The following MOV10L1 variants were observed in gnomAD, a reference collection of about 807,000 sequenced individuals.
The protein encoded by MOV10L1 is Mov10 like RNA helicase 1.
Under a neutral mutation model 143.8 loss-of-function variants are expected in MOV10L1, and 110 were observed. That is an observed-to-expected ratio of 0.76 (90% CI 0.66 to 0.90). The LOEUF (loss-of-function observed/expected upper bound fraction) is 0.90. MOV10L1 is among the 40% of genes least tolerant of loss of function. The pLI is 0.00. For synonymous variants in MOV10L1, 593 were observed against 581.1 expected (o/e 1.02, Z -0.29); for missense variants, 1,406 against 1,526.8 (o/e 0.92, Z 1.32).
At chr22:50,127,761 G>C (rs2062551984) in intron 12 of MOV10L1, among the ~76,000 whole-genome samples, 1 of 150,882 alleles carries the variant, frequency 6.6e-6, no homozygotes, top group Admixed American at 6.7e-5. Context: ...GATAAGTCTT[G>C]TAATGACTGT....
At chr22:50,101,701 G>A (rs933399514) in intron 3 of MOV10L1, among the ~76,000 whole-genome samples, 4 of 151,992 alleles carry the variant, frequency 2.6e-5, no homozygotes, top group East Asian at 3.9e-4. Context: ...TAGTAGACAC[G>A]GGGTTTCGCC....
intron 10 of MOV10L1, 149 bp downstream of exon 10, chr22:50,120,765 C>A (rs2062316820): frequency 1.6e-6 from 1 of 632,632 alleles, no homozygotes; most frequent in Non-Finnish European, 2.8e-6. Context: ...ACTGCCTGGC[C>A]GTGAGGGATG....
intron 6 of MOV10L1, 99 bp downstream of exon 6, chr22:50,113,887 A>AT (rs1478092695): frequency 2.7e-6 from 2 of 743,332 alleles, no homozygotes; most frequent in African/African-American, 2.9e-5. Flanking sequence ...TTGGTCATTT[A>AT]TTTTTTTCTT....
intron 3 of MOV10L1, among the ~76,000 whole-genome samples, chr22:50,107,861 C>G (rs2061915256): frequency 6.6e-6 from 1 of 152,200 alleles, no homozygotes; most frequent in Non-Finnish European, 1.5e-5. Flanking sequence ...CTCAGATGTG[C>G]CACACGAGGA....
At chr22:50,153,449 G>A (rs1205802155) in intron 22 of MOV10L1, among the ~76,000 whole-genome samples, 3 of 152,252 alleles carry the variant, frequency 2.0e-5, no homozygotes, top group African/African-American at 7.2e-5. Flanking sequence ...ACCACTCTCA[G>A]GTGGTCACAG....
intron 9 of MOV10L1, among the ~76,000 whole-genome samples, 168 bp from the exon 10 acceptor site, chr22:50,120,334 A>G (rs2062303512): frequency 6.6e-6 from 1 of 152,192 alleles, no homozygotes; most frequent in Non-Finnish European, 1.5e-5. Context: ...CAGAGCTAAA[A>G]CGAAAGCTTC....
intron 5 of MOV10L1, among the ~76,000 whole-genome samples, chr22:50,112,804 G>A (rs1053716420): frequency 2.0e-5 from 3 of 152,212 alleles, no homozygotes; most frequent in Non-Finnish European, 2.9e-5. Flanking sequence ...GCCACGCACC[G>A]GGCAGTCGCA....
chr22:50,152,426 A>G lies in MOV10L1; in HGVS notation c.2893-619A>G, dbSNP rs1056476629. ...CTGGAGACCCTCTCTGGCTGCTTACACCAGCACCAGGGGAAGAGCACCTGC... is the reference window on the plus strand; with the variant it reads ...CTGGAGACCCTCTCTGGCTGCTTACGCCAGCACCAGGGGAAGAGCACCTGC... On this transcript the variant is annotated intron_variant, in intron 21 of 26. Coordinates refer to ENST00000262794, the MANE Select transcript of MOV10L1 (RefSeq NM_018995.3). The surrounding 1 kb of genome is among the most constrained non-coding windows in gnomAD (Gnocchi z 4.4). 2.0e-5 allele frequency among the ~76,000 whole-genome samples: 3 copies of G among 152,202 alleles called. No homozygotes were observed. The highest frequency in any genetic ancestry group is 2.9e-5 in the Non-Finnish European group (2 of 68,016).
intron 19 of MOV10L1, 71 bp downstream of exon 19, chr22:50,145,881 T>C: frequency 6.3e-7 from 1 of 1,592,788 alleles, no homozygotes; most frequent in East Asian, 2.2e-5. Context: ...CTAGCTTCTG[T>C]CTGAGGGGCG....
Position 50,147,099 on chromosome 22 carries a change from G to C in MOV10L1, c.2627+1289G>C, listed in dbSNP as rs5771080. On this transcript the variant is annotated intron_variant, in intron 19 of 26. Transcript: ENST00000262794. Reference sequence around the variant, plus strand: ...CTCACTGGGGTGCAGAGGGCTCTTTGGGGGCAGAGCGGGCACTGCATGGAC... The same window carrying C: ...CTCACTGGGGTGCAGAGGGCTCTTTCGGGGCAGAGCGGGCACTGCATGGAC... The C allele has an allele frequency of 3.4e-6, 5 of 1,483,350 alleles. No individual in the cohort carries two copies. The South Asian group carries it at 5.1e-5, about 15-fold the overall frequency. 91.9% of individuals were successfully genotyped at this position (1,483,350 alleles called of 1,614,324 possible).
At chr22:50,124,912 A>G (rs371078385) in intron 10 of MOV10L1, among the ~76,000 whole-genome samples, 188 of 152,112 alleles carry the variant, frequency 1.2e-3, no homozygotes, top group Middle Eastern at 3.4e-3. Context: ...TGGGATCACA[A>G]TCCTTTGCTA....
At chr22:50,125,662 A>G in intron 11 of MOV10L1, 93 bp downstream of exon 11, 2 of 1,269,092 alleles carry the variant, frequency 1.6e-6, no homozygotes, top group South Asian at 1.6e-5. Context: ...TGACAGTCAC[A>G]TTATCGCATT....
chr22:50,103,720 C>T (rs1381381631), intron 3 of MOV10L1, among the ~76,000 whole-genome samples: 1 of 152,064 alleles, frequency 6.6e-6, no homozygotes, highest in Non-Finnish European at 1.5e-5. Context: ...TATTGTAGTC[C>T]GTGTGGCCGC....
chr22:50,112,945 G>A (rs1475346296), intron 5 of MOV10L1, among the ~76,000 whole-genome samples: 1 of 152,202 alleles, frequency 6.6e-6, no homozygotes. Flanking sequence ...CGCCAGGAGG[G>A]GCTGCTCTGT....
chr22:50,110,617 A>G (rs908922263), intron 5 of MOV10L1, among the ~76,000 whole-genome samples: 1 of 151,952 alleles, frequency 6.6e-6, no homozygotes, highest in African/African-American at 2.4e-5. Context: ...AATGCATTGG[A>G]TGTAGTTGGT....
chr22:50,095,701 G>C (rs2062570943), intron 2 of MOV10L1: 2 of 151,880 alleles, frequency 1.3e-5, no homozygotes, highest in African/African-American at 4.8e-5. Context: ...TCAGAAATGT[G>C]ACAATGTGGA....
At chr22:50,094,902 G>C (rs910665410) in intron 2 of MOV10L1, 1 of 152,134 alleles carries the variant, frequency 6.6e-6, no homozygotes, top group African/African-American at 2.4e-5. Flanking sequence ...CACCACTCAT[G>C]TGCAGCAGTT....
intron 1 of MOV10L1, chr22:50,090,650 C>G: frequency 9.3e-7 from 1 of 1,074,268 alleles, no homozygotes; most frequent in Admixed American, 2.1e-5. Context: ...CCCGGATGCC[C>G]TCACCGTTCC....
intron 11 of MOV10L1, 21 bp from the exon 12 acceptor site, chr22:50,126,181 G>T: frequency 2.0e-6 from 3 of 1,513,248 alleles, no homozygotes; most frequent in South Asian, 1.1e-5. Context: ...CTTTAAACAT[G>T]GTAATATATT....
Sources: allele counts gnomAD v4.1 joint callset (sites outside exome capture counted in the v4.1 genomes callset), GRCh38; gene constraint gnomAD v4.1.1; non-coding constraint Gnocchi (gnomAD v3.1); transcripts MANE v1.5; gene names NCBI Gene and HGNC (gene_info 2026-07-23, HGNC 2026-07-21).